ZSWIM5: variants seen among roughly 807,000 people sequenced by gnomAD.
The protein encoded by ZSWIM5 is zinc finger SWIM domain-containing protein 5.
ZSWIM5 carries 55 observed loss-of-function variants against 119.6 expected under a neutral mutation model. That is an observed-to-expected ratio of 0.46 (90% CI 0.37 to 0.58). The LOEUF is 0.58. Ranked by LOEUF, ZSWIM5 falls within the 20% of genes least tolerant of loss-of-function variation. The pLI is 0.00. For synonymous variants in ZSWIM5, 537 were observed against 606.9 expected (o/e 0.88, Z 1.69); for missense variants, 1,193 against 1,512.8 (o/e 0.79, Z 3.51).
intron 2 of ZSWIM5, among the ~76,000 whole-genome samples, chr1:45,074,169 A>C (rs549733621): frequency 4.6e-5 from 7 of 152,006 alleles, no homozygotes; most frequent in African/African-American, 1.7e-4. Flanking sequence ...ATGAATATTC[A>C]TCAGAGATAT....
At position 45,035,750 on chromosome 1, in the gene ZSWIM5, C is replaced by A; in HGVS notation, c.2229G>T (p.Leu743Phe). The change falls in exon 10 of 14, where the codon TTG (leucine) becomes TTT (phenylalanine). Residue 743 changes from leucine to phenylalanine, a missense_variant. By Grantham distance (22) the Leu-to-Phe change is conservative (BLOSUM62 0). Around this residue, in one of 2 missense-constraint regions of ZSWIM5, gnomAD observed 961 missense variants for 1,290.0 expected, o/e 0.74. Transcript: ENST00000359600. ...SVPMHTFAKY[L>F]FSALLPHDPD... ...GATCATGAGGCAGCAGAGCTGAGAA[C>A]AAATACTTGGCAAAGGTATGCATGG... The A allele has an allele frequency of 6.2e-7, 1 of 1,613,878 alleles. No homozygotes were observed. The highest frequency in any genetic ancestry group is 1.1e-5 in the South Asian group (1 of 91,072).
intron 1 of ZSWIM5, among the ~76,000 whole-genome samples, chr1:45,187,519 T>A (rs551539532): frequency 1.4e-4 from 22 of 152,204 alleles, no homozygotes; most frequent in African/African-American, 5.1e-4. Flanking sequence ...ATCTTCTTGA[T>A]CTTGGGTTAG....
intron 1 of ZSWIM5, among the ~76,000 whole-genome samples, chr1:45,184,903 A>C (rs1248205979): frequency 6.6e-6 from 1 of 152,100 alleles, no homozygotes; most frequent in East Asian, 1.9e-4. Context: ...AAACTACTTT[A>C]AAGTTCATAT....
At chr1:45,051,885 T>A (rs1187789058) in intron 4 of ZSWIM5, among the ~76,000 whole-genome samples, 2 of 152,354 alleles carry the variant, frequency 1.3e-5, no homozygotes, top group Middle Eastern at 6.8e-3. Flanking sequence ...TCTAGCATAT[T>A]ACCTAGCACA....
intron 1 of ZSWIM5, among the ~76,000 whole-genome samples, chr1:45,184,078 G>A (rs958549841): frequency 3.3e-5 from 5 of 152,146 alleles, no homozygotes; most frequent in African/African-American, 1.2e-4. Context: ...TCCCTGGGAT[G>A]CAAGGCTGGT....
In ZSWIM5 at chr1:45,075,811, G is replaced by T. The variant is rs574736910; in HGVS notation, c.952+12070C>A. Among the ~76,000 whole-genome samples, 3 of 148,406 alleles carry T rather than the reference G, an allele frequency of 2.0e-5. No individual in the cohort carries two copies. In the East Asian group the frequency reaches 5.9e-4, roughly 29 times the overall value. On this transcript the variant is annotated intron_variant, in intron 2 of 13. Coordinates refer to ENST00000359600, the MANE Select transcript of ZSWIM5 (RefSeq NM_020883.2). ...CTTCTTTCCTTCCTGTTTTCCTTTAGTGAAGGTAACTTTCTCTGGTGATAT... is the reference window on the plus strand; with the variant it reads ...CTTCTTTCCTTCCTGTTTTCCTTTATTGAAGGTAACTTTCTCTGGTGATAT...
intron 1 of ZSWIM5, among the ~76,000 whole-genome samples, chr1:45,161,609 C>G (rs1645864171): frequency 6.6e-6 from 1 of 151,986 alleles, no homozygotes; most frequent in Non-Finnish European, 1.5e-5. Flanking sequence ...TTTTTTTTGG[C>G]TAGATTGATT....
chr1:45,025,214 A>G (rs867187051), intron 11 of ZSWIM5, among the ~76,000 whole-genome samples: 10 of 152,136 alleles, frequency 6.6e-5, no homozygotes, highest in Admixed American at 3.3e-4. Flanking sequence ...ACAGTACCAC[A>G]CTGTCTTGAT....
intron 1 of ZSWIM5, among the ~76,000 whole-genome samples, chr1:45,201,072 GAC>G (rs1327207391): frequency 3.9e-5 from 6 of 152,244 alleles, no homozygotes; most frequent in African/African-American, 1.4e-4. Context: ...TGTGAAAACA[GAC>G]ACACACAGGG....
chr1:45,055,497 G>T (rs1381182125), intron 4 of ZSWIM5, among the ~76,000 whole-genome samples: 1 of 152,178 alleles, frequency 6.6e-6, no homozygotes, highest in Admixed American at 6.5e-5. Context: ...ACAAGGCTTT[G>T]GCAGGAAAAT....
chr1:45,077,247 C>A (rs951645749), intron 2 of ZSWIM5, among the ~76,000 whole-genome samples: 2 of 152,086 alleles, frequency 1.3e-5, no homozygotes, highest in African/African-American at 2.4e-5. Context: ...TATTGGGGAA[C>A]CTGCCCCAAT....
chr1:45,074,624 G>A (rs1645245199), intron 2 of ZSWIM5, among the ~76,000 whole-genome samples: 1 of 151,376 alleles, frequency 6.6e-6, no homozygotes, highest in Non-Finnish European at 1.5e-5. Flanking sequence ...TTTTTTCTTA[G>A]TATGGCTAAA....
intron 1 of ZSWIM5, among the ~76,000 whole-genome samples, chr1:45,140,280 G>A (rs1255096493): frequency 6.6e-6 from 1 of 152,152 alleles, no homozygotes; most frequent in African/African-American, 2.4e-5. Flanking sequence ...TTTATCTATT[G>A]TCTATGGCTG....
In ZSWIM5 at chr1:45,057,328, T is replaced by C. The variant is rs1472842953; in HGVS notation, c.1252+1281A>G. ...GTTTCTTGGATGGTAGGTACAGTAATTTGTTAGATATGAAAATGCCAGAAG... is the reference window on the plus strand; with the variant it reads ...GTTTCTTGGATGGTAGGTACAGTAACTTGTTAGATATGAAAATGCCAGAAG... On this transcript the variant is annotated intron_variant, in intron 4 of 13. Coordinates refer to ENST00000359600, the MANE Select transcript of ZSWIM5 (RefSeq NM_020883.2). This position sits in a 1 kb window ranked among gnomAD's most constrained non-coding sequence, Gnocchi z 4.7. Among the ~76,000 whole-genome samples, 1 of 152,236 alleles carries C rather than the reference T, an allele frequency of 6.6e-6. No homozygotes were observed. The highest frequency in any genetic ancestry group is 2.4e-5 in the African/African-American group (1 of 41,466).
intron 1 of ZSWIM5, among the ~76,000 whole-genome samples, chr1:45,121,001 G>A (rs950101120): frequency 6.6e-6 from 1 of 151,924 alleles, no homozygotes; most frequent in African/African-American, 2.4e-5. Flanking sequence ...CCAGGCTGGA[G>A]TGTGGTGGCG....
rs1372253632 is a variant in ZSWIM5 at position 45,170,346 on chromosome 1, TAAG to T, written c.595+35407_595+35409del. Among the ~76,000 whole-genome samples the T allele has an allele frequency of 2.0e-5, 3 of 151,852 alleles. No homozygotes were observed. The South Asian group carries it at 6.2e-4, about 31-fold the overall frequency. The stretch of plus-strand genomic sequence containing the variant: ...ACTGGCAAAGTAAATATTAAAGCCC[TAAG>T]AAGAGGTAACTACATAAATCAGAAG... On this transcript the variant is annotated intron_variant, in intron 1 of 13. Transcript: ENST00000359600.
chr1:45,131,207 T>C (rs1214342808), intron 1 of ZSWIM5, among the ~76,000 whole-genome samples: 3 of 152,158 alleles, frequency 2.0e-5, no homozygotes, highest in Non-Finnish European at 4.4e-5. Flanking sequence ...GGTTGTAATA[T>C]TCTACTATAG....
chr1:45,115,255 G>A (rs1645545438), intron 1 of ZSWIM5, among the ~76,000 whole-genome samples: 1 of 151,378 alleles, frequency 6.6e-6, no homozygotes, highest in African/African-American at 2.4e-5. Context: ...CGGGCGAGGT[G>A]GCTGCCGGGC....
intron 10 of ZSWIM5, among the ~76,000 whole-genome samples, chr1:45,035,163 A>G (rs1644975192): frequency 6.6e-6 from 1 of 152,212 alleles, no homozygotes; most frequent in Non-Finnish European, 1.5e-5. Context: ...CCAGCCTTAC[A>G]GTCTGACTAA....
Sources: allele counts gnomAD v4.1 joint callset (sites outside exome capture counted in the v4.1 genomes callset), GRCh38; gene constraint gnomAD v4.1.1; regional missense constraint gnomAD v4.1.1; non-coding constraint Gnocchi (gnomAD v3.1); transcripts MANE v1.5; gene names NCBI Gene and HGNC (gene_info 2026-07-23, HGNC 2026-07-21).